ERFE: variants seen among roughly 807,000 people sequenced by gnomAD.
ERFE encodes complement C1q tumor necrosis factor-related protein 15.
In ERFE, 25 loss-of-function variants were observed where a neutral mutation model predicts 26.6. That is an observed-to-expected ratio of 0.94 (90% CI 0.69 to 1.31). ERFE has a LOEUF of 1.31. ERFE is among the 40% of genes most tolerant of loss of function. The probability of loss-of-function intolerance (pLI) is 0.00; values close to 1 mark genes in which losing one functional copy is unlikely to be tolerated. For missense variants in ERFE, 447 were observed against 440.2 expected (o/e 1.02, Z -0.14); for synonymous variants, 206 against 204.5 (o/e 1.01, Z -0.06).
intron 7 of ERFE, 102 bp downstream of exon 7, chr2:238,165,786 G>A: frequency 9.2e-7 from 1 of 1,090,352 alleles, no homozygotes; most frequent in Non-Finnish European, 1.3e-6. Context: ...CACTGGGTCG[G>A]GTGCAGCACC....
At position 238,167,859 on chromosome 2, in the gene ERFE, C is replaced by T. The variant is rs1343012838; in HGVS notation, c.*805C>T. 1 of 218,290 alleles carries T rather than the reference C, an allele frequency of 4.6e-6. No individual in the cohort carries two copies. The highest frequency in any genetic ancestry group is 1.1e-4 in the East Asian group (1 of 8,868). The allele number at this position is 218,290 out of a possible 1,614,324, so 13.5% of individuals were successfully genotyped here. A position where few individuals can be genotyped will look rare whatever the true frequency, so the allele number is the denominator to read the frequency against. ...CAGAGGTGGATGAGATCCCTTTTCCCCTCCCCTCTGAGGTGCTGACTCACT... is the reference window on the plus strand; with the variant it reads ...CAGAGGTGGATGAGATCCCTTTTCCTCTCCCCTCTGAGGTGCTGACTCACT... On this transcript the variant is annotated 3_prime_UTR_variant, in exon 8 of 8. Coordinates refer to ENST00000546354, the MANE Select transcript of ERFE (RefSeq NM_001291832.2).
intron 2 of ERFE, among the ~76,000 whole-genome samples, chr2:238,162,244 A>C (rs1396225047): frequency 6.6e-6 from 1 of 152,220 alleles, no homozygotes; most frequent in Non-Finnish European, 1.5e-5. Flanking sequence ...CTCGGAGTGC[A>C]TGAGGCAGGT....
intron 6 of ERFE, among the ~76,000 whole-genome samples, chr2:238,164,877 A>G (rs573574107): frequency 3.8e-4 from 58 of 152,058 alleles, no homozygotes; most frequent in African/African-American, 1.4e-3. Context: ...ACAACAAAAA[A>G]AAACCTTTCC....
At chr2:238,165,829 C>A in intron 7 of ERFE, 145 bp downstream of exon 7, 1 of 714,248 alleles carries the variant, frequency 1.4e-6, no homozygotes, top group Non-Finnish European at 2.3e-6. Context: ...GGGTCCAGGA[C>A]ATGCCAAGTT....
At chr2:238,164,555 G>A (rs1244121485) in intron 6 of ERFE, 195 bp downstream of exon 6, 2 of 585,406 alleles carry the variant, frequency 3.4e-6, no homozygotes, top group Non-Finnish European at 5.9e-6. Context: ...ACTGGGAGCT[G>A]TTAAAAATGA....
chr2:238,162,503 C>T (rs1029647694), intron 2 of ERFE, among the ~76,000 whole-genome samples: 4 of 152,258 alleles, frequency 2.6e-5, no homozygotes, highest in Non-Finnish European at 2.9e-5. Context: ...CTCTGCCTCC[C>T]CACTCAGAGC....
At chr2:238,164,050 G>T in intron 4 of ERFE, 25 bp from the exon 5 acceptor site, 1 of 1,394,148 alleles carries the variant, frequency 7.2e-7, no homozygotes, top group Non-Finnish European at 9.3e-7. Flanking sequence ...GCGGGAGCCG[G>T]GGTGACCATC....
chr2:238,165,584 C>T (rs930513910), intron 6 of ERFE, 22 bp from the exon 7 acceptor site: 9 of 1,536,834 alleles, frequency 5.9e-6, no homozygotes, highest in African/African-American at 2.7e-5. Flanking sequence ...GCAGGCTGAC[C>T]CTCCCTCTGT....
chr2:238,168,327 T>C lies in ERFE; in HGVS notation c.*1273T>C. The C allele has an allele frequency of 4.3e-6, 2 of 464,218 alleles. No homozygotes were observed. The highest frequency in any genetic ancestry group is 3.1e-5 in the South Asian group (2 of 63,678). 28.8% of individuals were successfully genotyped at this position (464,218 alleles called of 1,614,324 possible). The stretch of plus-strand genomic sequence containing the variant: ...CTCGGCAGCGACCTCCAGGGCCTCC[T>C]ACCTGCTGAGGAAGAGTTAACCCAC... On this transcript the variant is annotated 3_prime_UTR_variant, in exon 8 of 8. Coordinates refer to ENST00000546354, the MANE Select transcript of ERFE (RefSeq NM_001291832.2).
At chr2:238,166,399 C>A (rs1372862846) in intron 7 of ERFE, among the ~76,000 whole-genome samples, 1 of 152,224 alleles carries the variant, frequency 6.6e-6, no homozygotes, top group Non-Finnish European at 1.5e-5. Context: ...ACACAGCATG[C>A]TTGGTGAACT....
chr2:238,163,344 T>C (rs557712335), intron 3 of ERFE, among the ~76,000 whole-genome samples: 60 of 152,330 alleles, frequency 3.9e-4, no homozygotes, highest in African/African-American at 1.1e-3. Context: ...GTCATTAGAA[T>C]TGAGCCGTTT....
chr2:238,159,052 C>A lies in ERFE; in HGVS notation c.45C>A (p.Val15=). 1 of 255,160 alleles carries A rather than the reference C, an allele frequency of 3.9e-6. No homozygotes were observed. The highest frequency in any genetic ancestry group is 1.4e-4 in the South Asian group (1 of 6,962). 15.8% of individuals were successfully genotyped at this position (255,160 alleles called of 1,614,324 possible). A position where few individuals can be genotyped will look rare whatever the true frequency, so the allele number is the denominator to read the frequency against. ...RRPAGARLLL[V]YAGLLAAAAA... ...CCGCCGGAGCCCGCCTGCTGCTCGT[C>A]TACGCGGGCCTGCTGGCCGCCGCCG... The change falls in exon 1 of 8, where the codon GTC becomes GTA. Residue 15 remains valine, a synonymous_variant. Coordinates refer to ENST00000546354, the MANE Select transcript of ERFE (RefSeq NM_001291832.2).
Position 238,161,602 on chromosome 2 carries a change from C to T in ERFE, c.207C>T (p.Thr69=), listed in dbSNP as rs970950289. ...AGPAARPPEP[T]AERAHSVDPR... ...GGCTGGCTGTGTTCCAGGAGCCCAC[C>T]GCTGAGCGTGCACACAGCGTCGACC... Residue 69 remains threonine, a synonymous_variant, in exon 2 of 8, where the codon ACC becomes ACT. Transcript: ENST00000546354. The T allele has an allele frequency of 1.1e-5, 17 of 1,532,330 alleles. No individual in the cohort carries two copies. The highest frequency in any genetic ancestry group is 2.7e-5 in the African/African-American group (2 of 72,780). The allele number at this position is 1,532,330 out of a possible 1,614,324, so 94.9% of individuals were successfully genotyped here. A position where few individuals can be genotyped will look rare whatever the true frequency, so the allele number is the denominator to read the frequency against.
Position 238,165,689 on chromosome 2 carries a change from G to C in ERFE, c.966+5G>C, listed in dbSNP as rs1205915866. ...AATGGCGTCCTGTACCTGCAGGTGA[G>C]TGCGGCAGGCTTGGGCATCGAGGGG... On this transcript the variant is annotated splice_donor_5th_base_variant and intron_variant, in intron 7 of 7. Transcript: ENST00000546354. The C allele has an allele frequency of 6.5e-7, 1 of 1,547,036 alleles. No homozygotes were observed. The highest frequency in any genetic ancestry group is 2.5e-5 in the East Asian group (1 of 40,786).
rs1254723283 is a variant in ERFE, at chr2:238,168,605, A to ACTC, written c.*1552_*1554dup. On this transcript the variant is annotated 3_prime_UTR_variant, in exon 8 of 8. Coordinates refer to ENST00000546354, the MANE Select transcript of ERFE (RefSeq NM_001291832.2). ...GTGCAGTAACACACAAAAACCAAAC[A>ACTC]CTCTGCCCTGGGAAAGGCCTGGTGC... is the stretch of plus-strand genomic sequence containing the variant. The ACTC allele has an allele frequency of 2.6e-6, 1 of 380,400 alleles. No individual in the cohort carries two copies. Among genetic ancestry groups the ACTC allele is most frequent in the African/African-American group, 2.1e-5 (1 of 47,050 alleles). The allele number at this position is 380,400 out of a possible 1,614,324, so 23.6% of individuals were successfully genotyped here.
rs1203253396 is a variant in ERFE at position 238,167,026 on chromosome 2, A to C, written c.1037A>C (p.His346Pro). ...GCSLTVRSGSHFSAVLLGV is the reference protein window; with the variant it reads ...GCSLTVRSGSPFSAVLLGV ...TCCCTCACAGTGCGCAGTGGCTCCC[A>C]CTTCAGTGCTGTCCTCCTGGGCGTG... The change falls in exon 8 of 8, where the codon CAC becomes CCC. Residue 346 changes from histidine (H) to proline (P), a missense_variant. Physicochemically the swap from His to Pro is moderately conservative, Grantham distance 77. Coordinates refer to ENST00000546354, the MANE Select transcript of ERFE (RefSeq NM_001291832.2). 3.2e-6 allele frequency: 5 copies of C among 1,550,460 alleles called. No homozygotes were observed. Among genetic ancestry groups the C allele is most frequent in the Non-Finnish European group, 4.4e-6 (5 of 1,146,962 alleles).
At chr2:238,161,095 A>C (rs1172157812) in intron 1 of ERFE, among the ~76,000 whole-genome samples, 3 of 152,170 alleles carry the variant, frequency 2.0e-5, no homozygotes, top group Non-Finnish European at 4.4e-5. Context: ...TGAGAGCTGA[A>C]TTTGCCTCCT....
rs541048392 is a variant in ERFE at position 238,167,014 on chromosome 2, G to A, written c.1025G>A (p.Arg342His). The change falls in exon 8 of 8, where the codon CGC (arginine) becomes CAC (histidine). Residue 342 changes from arginine to histidine, a missense_variant. Transcript: ENST00000546354. ...GCCAGCGGCTGCTCCCTCACAGTGC[G>A]CAGTGGCTCCCACTTCAGTGCTGTC... ...DNASGCSLTV[R>H]SGSHFSAVLL... 4.7e-5 allele frequency: 73 copies of A among 1,550,502 alleles called. No individual in the cohort carries two copies. The highest frequency in any genetic ancestry group is 7.1e-5 in the South Asian group (6 of 84,064).
chr2:238,163,754 G>A lies in ERFE; in HGVS notation c.442G>A (p.Glu148Lys). 7.4e-7 allele frequency: 1 copy of A among 1,350,900 alleles called. No homozygotes were observed. Among genetic ancestry groups the A allele is most frequent in the South Asian group, 1.8e-5 (1 of 54,184 alleles). 83.7% of individuals were successfully genotyped at this position (1,350,900 alleles called of 1,614,324 possible). ...TGTGCCAGGTGCGGTGCGGCAGCGG[G>A]AGCGCGCGGAGCCCGAACCCTGTAC... ...LLLKGAVRQR[E>K]RAEPEPCTCG... Residue 148 changes from glutamate to lysine, a missense_variant, in exon 4 of 8, where the codon GAG becomes AAG. Coordinates refer to ENST00000546354, the MANE Select transcript of ERFE (RefSeq NM_001291832.2).
Sources: gnomAD v4.1 joint callset for allele counts (sites outside exome capture counted in the v4.1 genomes callset) on GRCh38, gnomAD v4.1.1 for gene constraint, MANE v1.5 for transcripts, NCBI Gene and HGNC (gene_info 2026-07-23, HGNC 2026-07-21) for gene names.